The following SOCS5 variants were observed in gnomAD, a reference collection of about 807,000 sequenced individuals.
The protein encoded by SOCS5 is suppressor of cytokine signaling 5, also known as CIS-6.
SOCS5 carries 32 observed loss-of-function variants against 42.8 expected under a neutral mutation model. That is an observed-to-expected ratio of 0.75 (90% confidence interval 0.56 to 1.01). The LOEUF is 1.01. Among genes scored for constraint, SOCS5 ranks in the 50% least tolerant of loss-of-function variants. The probability of loss-of-function intolerance (pLI) is 0.00; values close to 1 mark genes in which losing one functional copy is unlikely to be tolerated. For synonymous variants in SOCS5, 283 were observed against 229.6 expected (o/e 1.23, Z -2.10); for missense variants, 627 against 653.0 (o/e 0.96, Z 0.43).
At chr2:46,747,575 G>A (rs1673532132) in intron 1 of SOCS5, among the ~76,000 whole-genome samples, 1 of 151,992 alleles carries the variant, frequency 6.6e-6, no homozygotes, top group Non-Finnish European at 1.5e-5. Context: ...CTTGCATAAT[G>A]TGTCCATGTA....
chr2:46,746,922 CTTT>C (rs11373537), intron 1 of SOCS5, among the ~76,000 whole-genome samples: 5,568 of 70,732 alleles, frequency 0.079, 73 homozygotes, highest in Middle Eastern at 0.17. Flanking sequence ...GACTTTATTT[CTTT>C]TTTTTTTTTT....
chr2:46,700,404 T>C (rs1025803318), intron 1 of SOCS5, among the ~76,000 whole-genome samples: 1 of 152,230 alleles, frequency 6.6e-6, no homozygotes, highest in African/African-American at 2.4e-5. Context: ...GCAACCTCTC[T>C]ATCCATAGTG....
At chr2:46,731,689 C>T (rs1453796280) in intron 1 of SOCS5, among the ~76,000 whole-genome samples, 1 of 152,138 alleles carries the variant, frequency 6.6e-6, no homozygotes, top group Non-Finnish European at 1.5e-5. Flanking sequence ...CCAGTCAGTT[C>T]TGCTATAATG....
chr2:46,741,536 A>G (rs1673376081), intron 1 of SOCS5, among the ~76,000 whole-genome samples: 1 of 152,230 alleles, frequency 6.6e-6, no homozygotes, highest in Non-Finnish European at 1.5e-5. Context: ...AAGTACAACA[A>G]AGAAAAAAAA....
chr2:46,740,000 A>G (rs1034124135), intron 1 of SOCS5, among the ~76,000 whole-genome samples: 3 of 152,230 alleles, frequency 2.0e-5, no homozygotes, highest in African/African-American at 7.2e-5. Flanking sequence ...GGAAGCCTTT[A>G]TCTGTAGAAT....
At chr2:46,704,806 C>G (rs1374034780) in intron 1 of SOCS5, among the ~76,000 whole-genome samples, 2 of 152,140 alleles carry the variant, frequency 1.3e-5, no homozygotes, top group Non-Finnish European at 2.9e-5. Flanking sequence ...TTCAAACACA[C>G]CTGGGCATAT....
At position 46,716,111 on chromosome 2, in the gene SOCS5, C is replaced by CT. The variant is rs11314433; in HGVS notation, c.-13+16676dup. Among the ~76,000 whole-genome samples the CT allele has an allele frequency of 4.2e-4, 58 of 137,408 alleles. 1 individual carries two copies. In the East Asian group the frequency reaches 7.9e-3, roughly 19 times the overall value. The allele number at this position is 137,408 out of a possible 152,430, so 90.1% of individuals were successfully genotyped here. ...CAATTTTTCATGTCAGACACCCCCC[C>CT]TTTTTTTTTTTTTTAGTTCTAGAAG... On this transcript the variant is annotated intron_variant, in intron 1 of 1. Coordinates refer to ENST00000394861, the MANE Select transcript of SOCS5 (RefSeq NM_144949.3).
At chr2:46,721,203 TA>T (rs1672877186) in intron 1 of SOCS5, among the ~76,000 whole-genome samples, 1 of 152,180 alleles carries the variant, frequency 6.6e-6, no homozygotes, top group South Asian at 2.1e-4. Flanking sequence ...GGAGACTTAT[TA>T]AAGAATGTTT....
intron 1 of SOCS5, among the ~76,000 whole-genome samples, chr2:46,754,028 T>C (rs891199753): frequency 6.6e-6 from 1 of 152,166 alleles, no homozygotes; most frequent in Non-Finnish European, 1.5e-5. Flanking sequence ...TGTGCCAACC[T>C]CCTGTCTCAT....
At chr2:46,752,371 C>G (rs372073562) in intron 1 of SOCS5, among the ~76,000 whole-genome samples, 143 of 152,180 alleles carry the variant, frequency 9.4e-4, no homozygotes, top group African/African-American at 3.3e-3. Context: ...TGAAACCAGT[C>G]CCTGGTGCCA....
At chr2:46,741,506 A>G (rs1434907448) in intron 1 of SOCS5, among the ~76,000 whole-genome samples, 1 of 152,212 alleles carries the variant, frequency 6.6e-6, no homozygotes, top group East Asian at 1.9e-4. Flanking sequence ...TTTTAAAAAT[A>G]TTGAATCTAA....
chr2:46,760,444 G>T lies in SOCS5; in HGVS notation c.*303G>T, dbSNP rs1395552018. On this transcript the variant is annotated 3_prime_UTR_variant, in exon 2 of 2. Transcript: ENST00000394861. ...GCAACTCTGGGGCATTTGTTATGAA[G>T]AATTCTATTTCTTACTGAAGAACAA... 4 of 276,618 alleles carry T rather than the reference G, an allele frequency of 1.4e-5. No individual in the cohort carries two copies. 17.1% of individuals were successfully genotyped at this position (276,618 alleles called of 1,614,324 possible). A position where few individuals can be genotyped will look rare whatever the true frequency, so the allele number is the denominator to read the frequency against.
At chr2:46,735,432 G>A (rs1470373660) in intron 1 of SOCS5, among the ~76,000 whole-genome samples, 6 of 152,096 alleles carry the variant, frequency 3.9e-5, no homozygotes, top group Non-Finnish European at 8.8e-5. Context: ...CCACAAGGAA[G>A]GTTATATTAT....
At chr2:46,727,812 T>C (rs560455433) in intron 1 of SOCS5, among the ~76,000 whole-genome samples, 4 of 152,278 alleles carry the variant, frequency 2.6e-5, no homozygotes, top group Admixed American at 1.3e-4. Flanking sequence ...CTCTCAGCAA[T>C]TTCCTTTATA....
intron 1 of SOCS5, among the ~76,000 whole-genome samples, chr2:46,744,141 C>T (rs1673447161): frequency 6.6e-6 from 1 of 152,004 alleles, no homozygotes; most frequent in Non-Finnish European, 1.5e-5. Flanking sequence ...AGGCATGTAC[C>T]ACCACACCTG....
chr2:46,751,313 G>T (rs1654004802), intron 1 of SOCS5, among the ~76,000 whole-genome samples: 1 of 151,836 alleles, frequency 6.6e-6, no homozygotes, highest in South Asian at 2.1e-4. Flanking sequence ...TCACTTCAAA[G>T]AATCTTAGAT....
intron 1 of SOCS5, among the ~76,000 whole-genome samples, chr2:46,733,897 C>T (rs1339767873): frequency 6.6e-6 from 1 of 152,166 alleles, no homozygotes; most frequent in Non-Finnish European, 1.5e-5. Context: ...AACATAAAAA[C>T]CATGTCCTAC....
intron 1 of SOCS5, among the ~76,000 whole-genome samples, chr2:46,721,845 C>G (rs1439083415): frequency 1.3e-5 from 2 of 151,960 alleles, no homozygotes; most frequent in Non-Finnish European, 2.9e-5. Context: ...GCAACTGTGA[C>G]CAGTCTAAGT....
intron 1 of SOCS5, among the ~76,000 whole-genome samples, chr2:46,751,137 A>G (rs1462174426): frequency 6.6e-6 from 1 of 152,134 alleles, no homozygotes; most frequent in African/African-American, 2.4e-5. Flanking sequence ...TAAAATTAAG[A>G]TAATTATTAC....
Sources: allele counts gnomAD v4.1 joint callset (sites outside exome capture counted in the v4.1 genomes callset), GRCh38; gene constraint gnomAD v4.1.1; transcripts MANE v1.5; gene names NCBI Gene and HGNC (gene_info 2026-07-23, HGNC 2026-07-21).